Variants in USH2A observed in about 807,000 individuals in gnomAD.
USH2A encodes usherin, also known as Usher syndrome 2A (autosomal recessive, mild).
A neutral mutation model predicts 538.9 loss-of-function variants in USH2A; 443 were observed. The ratio of observed to expected loss-of-function variants is 0.82; its 90% CI spans 0.76 to 0.89. The LOEUF is 0.89. Among genes scored for constraint, USH2A ranks in the 40% least tolerant of loss-of-function variants. USH2A has a pLI of 0.00. For missense variants in USH2A, 6,633 were observed against 6,324.8 expected (o/e 1.05, Z -1.65); for synonymous variants, 2,413 against 2,273.5 (o/e 1.06, Z -1.75).
At chr1:215,705,080 C>T (rs1468929319) in intron 61 of USH2A, among the ~76,000 whole-genome samples, 1 of 152,092 alleles carries the variant, frequency 6.6e-6, no homozygotes, top group African/African-American at 2.4e-5. Flanking sequence ...ATAAAACACA[C>T]CTATTTTTGG....
chr1:216,221,279 G>GT (rs1272336694), intron 14 of USH2A, among the ~76,000 whole-genome samples: 1 of 152,122 alleles, frequency 6.6e-6, no homozygotes, highest in Non-Finnish European at 1.5e-5. Flanking sequence ...TTAAGAGCTG[G>GT]TATCTGTTCA....
chr1:216,221,514 A>G (rs187684935), intron 14 of USH2A, among the ~76,000 whole-genome samples: 2 of 152,320 alleles, frequency 1.3e-5, no homozygotes, highest in Admixed American at 1.3e-4. Flanking sequence ...TGTGAACTGA[A>G]AGCCATATTT....
intron 21 of USH2A, among the ~76,000 whole-genome samples, chr1:216,138,406 T>G (rs1397746364): frequency 6.6e-6 from 1 of 152,224 alleles, no homozygotes; most frequent in Non-Finnish European, 1.5e-5. Flanking sequence ...CTAAAGAACC[T>G]GTACTGTTAT....
intron 49 of USH2A, among the ~76,000 whole-genome samples, chr1:215,805,284 TAA>T (rs56372570): frequency 0.022 from 3,228 of 149,810 alleles, 112 homozygotes; most frequent in African/African-American, 0.075. Flanking sequence ...TAAAGTATAA[TAA>T]AAAAAAAAGA....
intron 44 of USH2A, among the ~76,000 whole-genome samples, chr1:215,858,989 A>C (rs1300370548): frequency 6.6e-6 from 1 of 152,094 alleles, no homozygotes; most frequent in Non-Finnish European, 1.5e-5. Context: ...TGGCTTTTGG[A>C]GAGCTACTTT....
chr1:216,142,257 C>G (rs887177647), intron 21 of USH2A, among the ~76,000 whole-genome samples: 7 of 152,116 alleles, frequency 4.6e-5, no homozygotes, highest in Non-Finnish European at 1.0e-4. Context: ...CACATCATAC[C>G]AACTGGAGAT....
At chr1:215,890,448 G>C (rs1214942683) in intron 40 of USH2A, among the ~76,000 whole-genome samples, 33 of 152,074 alleles carry the variant, frequency 2.2e-4, no homozygotes. Context: ...GTCACCAACT[G>C]GACTGATGGT....
chr1:216,112,140 A>G (rs1253393599), intron 21 of USH2A, among the ~76,000 whole-genome samples: 1 of 152,188 alleles, frequency 6.6e-6, no homozygotes, highest in African/African-American at 2.4e-5. Flanking sequence ...TCGACAAAAT[A>G]ACAGTTGAAA....
intron 26 of USH2A, among the ~76,000 whole-genome samples, chr1:216,082,615 A>T (rs2031986988): frequency 6.6e-6 from 1 of 152,168 alleles, no homozygotes; most frequent in Non-Finnish European, 1.5e-5. Flanking sequence ...TTTAAGAATT[A>T]AAATTTTAAT....
chr1:215,907,069 C>T (rs944769993), intron 38 of USH2A, among the ~76,000 whole-genome samples: 2 of 151,850 alleles, frequency 1.3e-5, no homozygotes, highest in Non-Finnish European at 2.9e-5. Flanking sequence ...ATTGAATAGT[C>T]TTTATCATTG....
intron 50 of USH2A, among the ~76,000 whole-genome samples, chr1:215,798,130 G>A (rs1229243296): frequency 6.6e-6 from 1 of 152,190 alleles, no homozygotes; most frequent in African/African-American, 2.4e-5. Flanking sequence ...AATGAGAAGT[G>A]AAGCCTGAAG....
chr1:215,637,782 A>AT (rs989493205), intron 69 of USH2A, among the ~76,000 whole-genome samples: 14 of 150,946 alleles, frequency 9.3e-5, no homozygotes, highest in African/African-American at 2.2e-4. Context: ...ATTAAAAAAA[A>AT]TTTTTTTTTT....
In USH2A at chr1:215,675,480, G is replaced by A. The variant is rs574981142; in HGVS notation, c.12431C>T (p.Ala4144Val). 13 of 1,614,046 alleles carry A rather than the reference G, an allele frequency of 8.1e-6. No individual in the cohort carries two copies. The highest frequency in any genetic ancestry group is 6.7e-5 in the African/African-American group (5 of 75,016). The change falls in exon 63 of 72, where the codon GCG (alanine) becomes GTG (valine). Residue 4144 changes from alanine to valine, a missense_variant. Ala to Val is a moderately conservative substitution (Grantham distance 64, BLOSUM62 0). Transcript: ENST00000307340. ...ACTRAGCAHSAPQPLWTDEAP... is the reference protein window; with the variant it reads ...ACTRAGCAHSVPQPLWTDEAP... The stretch of plus-strand genomic sequence containing the variant: ...TTCATCTGTCCACAGAGGCTGAGGC[G>A]CCGAGTGTGCACAACCTGCTCTGGT...
intron 37 of USH2A, among the ~76,000 whole-genome samples, chr1:215,961,302 T>C (rs1667193584): frequency 2.0e-5 from 3 of 151,762 alleles, no homozygotes; most frequent in Non-Finnish European, 4.4e-5. Context: ...TTAAATCATG[T>C]ATAATTATAA....
intron 38 of USH2A, among the ~76,000 whole-genome samples, chr1:215,914,111 T>C (rs1440974045): frequency 2.1e-5 from 3 of 141,610 alleles, no homozygotes; most frequent in Non-Finnish European, 4.5e-5. Context: ...TCTCGCTCTG[T>C]CACCCAGGCT....
At chr1:215,729,860 C>T (rs1177312699) in intron 60 of USH2A, among the ~76,000 whole-genome samples, 3 of 152,286 alleles carry the variant, frequency 2.0e-5, no homozygotes, top group African/African-American at 7.2e-5. Context: ...CTTCCCCAAG[C>T]AAGCCTCTGG....
chr1:215,667,691 G>C, intron 64 of USH2A, among the ~76,000 whole-genome samples: 1 of 151,000 alleles, frequency 6.6e-6, no homozygotes, highest in Admixed American at 6.6e-5. Context: ...GAGCGAGACT[G>C]TGTCTCAGAA....
chr1:215,642,309 G>C (rs1161274449), intron 67 of USH2A, among the ~76,000 whole-genome samples: 1 of 152,194 alleles, frequency 6.6e-6, no homozygotes, highest in East Asian at 1.9e-4. Flanking sequence ...AGAAAACTCA[G>C]GTTCAGAGAG....
intron 13 of USH2A, among the ~76,000 whole-genome samples, chr1:216,246,211 A>G (rs562154528): frequency 6.6e-6 from 1 of 152,328 alleles, no homozygotes; most frequent in South Asian, 2.1e-4. Flanking sequence ...TCATCATTTG[A>G]ATATTTGGCA....
Sources: allele counts gnomAD v4.1 joint callset (sites outside exome capture counted in the v4.1 genomes callset), GRCh38; gene constraint gnomAD v4.1.1; transcripts MANE v1.5; gene names NCBI Gene and HGNC (gene_info 2026-07-23, HGNC 2026-07-21).